Variants in DOCK4 observed in about 807,000 individuals in gnomAD.
DOCK4 encodes dedicator of cytokinesis 4.
Under a neutral mutation model 268.1 loss-of-function variants are expected in DOCK4, and 97 were observed. The observed-to-expected ratio is 0.36, with a 90% confidence interval of 0.31 to 0.43. DOCK4 has a LOEUF of 0.43. Ranked by LOEUF, DOCK4 falls within the 20% of genes least tolerant of loss-of-function variation. The pLI is 1.00. For missense variants in DOCK4, 2,145 were observed against 2,455.7 expected, an observed-to-expected ratio of 0.87 and a Z score of 2.67; for synonymous variants, 954 against 887.2, an observed-to-expected ratio of 1.08 and a Z score of -1.34.
chr7:111,864,353 C>CCAAAT (rs934079257), intron 22 of DOCK4, among the ~76,000 whole-genome samples: 4 of 151,602 alleles, frequency 2.6e-5, no homozygotes, highest in African/African-American at 7.3e-5. Context: ...CCAAAACAAA[C>CCAAAT]CAAATCAGCC....
At chr7:112,027,837 T>C (rs1432091897) in intron 1 of DOCK4, among the ~76,000 whole-genome samples, 1 of 152,206 alleles carries the variant, frequency 6.6e-6, no homozygotes, top group Non-Finnish European at 1.5e-5. Flanking sequence ...TAAGCACTGA[T>C]TTGAGTACCA....
intron 1 of DOCK4, among the ~76,000 whole-genome samples, chr7:112,102,082 C>T (rs1460265131): frequency 6.6e-5 from 10 of 152,104 alleles, no homozygotes; most frequent in Non-Finnish European, 1.5e-4. Flanking sequence ...GATTCACATT[C>T]CCCCTTTCCC....
intron 10 of DOCK4, among the ~76,000 whole-genome samples, chr7:111,943,688 A>G (rs967651293): frequency 5.3e-5 from 8 of 152,222 alleles, no homozygotes; most frequent in Non-Finnish European, 1.2e-4. Flanking sequence ...AGACTCATTT[A>G]TAAAAAGAAA....
At chr7:112,171,963 A>C (rs1391992530) in intron 1 of DOCK4, among the ~76,000 whole-genome samples, 1 of 152,146 alleles carries the variant, frequency 6.6e-6, no homozygotes, top group Middle Eastern at 3.2e-3. Context: ...CTCTGTGCAC[A>C]CGCATCCCTG....
rs565779657 is a variant in DOCK4 at position 112,168,531 on chromosome 7, A to AC, written c.37+37570dup. On this transcript the variant is annotated intron_variant, in intron 1 of 52. Coordinates refer to ENST00000428084, the MANE Select transcript of DOCK4 (RefSeq NM_001363540.2). ...AGACCAGCCTGAGCAACATAGGGAG[A>AC]CCCCCATCTCTACAAATCAAAAAAT... 2.8e-4 allele frequency among the ~76,000 whole-genome samples: 42 copies of AC among 151,980 alleles called. No individual in the cohort carries two copies. The East Asian group carries it at 6.4e-3, about 23-fold the overall frequency.
At chr7:112,136,664 G>C (rs746894126) in intron 1 of DOCK4, among the ~76,000 whole-genome samples, 2 of 152,114 alleles carry the variant, frequency 1.3e-5, no homozygotes, top group South Asian at 4.1e-4. Flanking sequence ...AAACACACTA[G>C]GATTCAGGAA....
intron 12 of DOCK4, among the ~76,000 whole-genome samples, chr7:111,934,708 T>TTC (rs931453598): frequency 8.7e-5 from 13 of 149,906 alleles, no homozygotes; most frequent in African/African-American, 3.2e-4. Flanking sequence ...TTTTGTATTT[T>TTC]TTTTTTTTTT....
chr7:111,939,138 A>T (rs1213189364), intron 11 of DOCK4, among the ~76,000 whole-genome samples: 1 of 152,064 alleles, frequency 6.6e-6, no homozygotes, highest in Admixed American at 6.6e-5. Flanking sequence ...CACGGAGCAG[A>T]TTGCCCTCAC....
chr7:111,952,498 T>C (rs1456362082), intron 8 of DOCK4, among the ~76,000 whole-genome samples: 2 of 152,216 alleles, frequency 1.3e-5, no homozygotes, highest in Admixed American at 6.5e-5. Context: ...ATATTTCACA[T>C]AAAAATTGTT....
At chr7:112,204,829 A>G (rs951645005) in intron 1 of DOCK4, among the ~76,000 whole-genome samples, 1 of 151,878 alleles carries the variant, frequency 6.6e-6, no homozygotes, top group East Asian at 1.9e-4. Flanking sequence ...AATTTAGAAC[A>G]TAAGCAGATA....
At chr7:111,917,266 G>A (rs879466387) in intron 12 of DOCK4, among the ~76,000 whole-genome samples, 14 of 151,874 alleles carry the variant, frequency 9.2e-5, no homozygotes, top group Non-Finnish European at 1.9e-4. Context: ...GATTATAGGT[G>A]TGAGCCACCG....
Position 111,933,250 on chromosome 7 carries a change from A to G in DOCK4, c.1066+2290T>C, listed in dbSNP as rs567594597. On this transcript the variant is annotated intron_variant, in intron 12 of 52. Transcript: ENST00000428084. ...TATACACATATATACGTATATATAC[A>G]TATATACTTATATATATATACATAT... Among the ~76,000 whole-genome samples the G allele has an allele frequency of 7.2e-4, 103 of 144,050 alleles. 1 individual carries two copies. Among genetic ancestry groups the G allele is most frequent in the South Asian group, 3.0e-3 (14 of 4,654 alleles). The allele number at this position is 144,050 out of a possible 152,430, so 94.5% of individuals were successfully genotyped here.
In DOCK4 at chr7:111,866,215, C is replaced by T. The variant is rs60663822; in HGVS notation, c.2280+1769G>A. ...AAGAGAGCATGGGATCAAAAGGGAA[C>T]CTGGTACAGGCAGAGGTGTGTGGCA... On this transcript the variant is annotated intron_variant, in intron 22 of 52. Coordinates refer to ENST00000428084, the MANE Select transcript of DOCK4 (RefSeq NM_001363540.2). Among the ~76,000 whole-genome samples, 837 of 152,310 alleles carry T rather than the reference C, an allele frequency of 5.5e-3. 8 individuals are homozygous for T. Among genetic ancestry groups the T allele is most frequent in the African/African-American group, 0.019 (803 of 41,570 alleles).
intron 10 of DOCK4, among the ~76,000 whole-genome samples, chr7:111,943,326 C>T (rs1795351505): frequency 6.6e-6 from 1 of 152,224 alleles, no homozygotes; most frequent in South Asian, 2.1e-4. Context: ...TTGGCAATAA[C>T]ACTGTGAGTG....
chr7:111,803,749 C>T (rs191904427), intron 30 of DOCK4, among the ~76,000 whole-genome samples: 7 of 152,168 alleles, frequency 4.6e-5, no homozygotes, highest in Admixed American at 2.0e-4. Flanking sequence ...CCTTCCTCTG[C>T]CACGGCTCTT....
intron 42 of DOCK4, among the ~76,000 whole-genome samples, chr7:111,752,000 G>C (rs1189009889): frequency 6.6e-6 from 1 of 151,912 alleles, no homozygotes; most frequent in Non-Finnish European, 1.5e-5. Context: ...TAAAAGACTT[G>C]GTAAAGTGTG....
chr7:112,138,840 T>G (rs1044407812), intron 1 of DOCK4, among the ~76,000 whole-genome samples: 1 of 152,034 alleles, frequency 6.6e-6, no homozygotes, highest in Non-Finnish European at 1.5e-5. Context: ...GAAAGATCTC[T>G]CTCCATGCAC....
At chr7:111,801,712 CAG>C (rs1218329109) in intron 30 of DOCK4, 1 of 123,280 alleles carries the variant, frequency 8.1e-6, no homozygotes, top group Non-Finnish European at 1.6e-5. Flanking sequence ...TTTTTTGAGA[CAG>C]AGTCTCGCTC....
At chr7:112,080,007 A>T (rs1363639928) in intron 1 of DOCK4, among the ~76,000 whole-genome samples, 1 of 152,150 alleles carries the variant, frequency 6.6e-6, no homozygotes, top group Non-Finnish European at 1.5e-5. Flanking sequence ...TATTTCTGAT[A>T]GGTCAGCTTT....
Sources: allele counts gnomAD v4.1 joint callset (sites outside exome capture counted in the v4.1 genomes callset), GRCh38; gene constraint gnomAD v4.1.1; transcripts MANE v1.5; gene names NCBI Gene and HGNC (gene_info 2026-07-23, HGNC 2026-07-21).